Variants in PMFBP1 observed in about 807,000 individuals in gnomAD.
PMFBP1 encodes the protein polyamine-modulated factor 1-binding protein 1.
Under a neutral mutation model 137.8 loss-of-function variants are expected in PMFBP1, and 131 were observed. That is an observed-to-expected ratio of 0.95 (90% CI 0.82 to 1.10). The LOEUF (loss-of-function observed/expected upper bound fraction) is 1.10. Ranked by LOEUF, PMFBP1 falls within the 50% of genes least tolerant of loss-of-function variation. The probability of loss-of-function intolerance (pLI) is 0.00; values close to 1 mark genes in which losing one functional copy is unlikely to be tolerated. For missense variants in PMFBP1, 1,199 were observed against 1,175.4 expected, an observed-to-expected ratio of 1.02 and a Z score of -0.29; for synonymous variants, 490 against 450.4, an observed-to-expected ratio of 1.09 and a Z score of -1.11.
chr16:72,138,047 CAT>C (rs892050129), intron 7 of PMFBP1, among the ~76,000 whole-genome samples: 1 of 152,114 alleles, frequency 6.6e-6, no homozygotes, highest in African/African-American at 2.4e-5. Context: ...GGAAAGGAAA[CAT>C]AATGCGGTGG....
chr16:72,245,876 ACT>A, the PMFBP1 span, among the ~76,000 whole-genome samples: 1 of 151,914 alleles, frequency 6.6e-6, no homozygotes, highest in African/African-American at 2.4e-5. Flanking sequence ...CCAGCATGAC[ACT>A]CTCTATTTCT....
At chr16:72,197,049 C>T in the PMFBP1 span, among the ~76,000 whole-genome samples, 1 of 151,314 alleles carries the variant, frequency 6.6e-6, no homozygotes, top group Non-Finnish European at 1.5e-5. Context: ...CTCTAATGAT[C>T]AAGCAAGTCC....
At chr16:72,140,895 A>T (rs1209230178) in intron 5 of PMFBP1, among the ~76,000 whole-genome samples, 2 of 150,150 alleles carry the variant, frequency 1.3e-5, no homozygotes, top group African/African-American at 4.9e-5. Flanking sequence ...GCATATTTGC[A>T]TAAAAATCAC....
chr16:72,117,246 TTA>T (rs1203773069), downstream of PMFBP1, among the ~76,000 whole-genome samples: 1 of 125,096 alleles, frequency 8.0e-6, no homozygotes. Flanking sequence ...AGGTATTTGT[TTA>T]TTTTTTTTGC....
chr16:72,139,575 C>G (rs1285058152), intron 6 of PMFBP1, among the ~76,000 whole-genome samples, 176 bp from the exon 7 acceptor site: 1 of 152,204 alleles, frequency 6.6e-6, no homozygotes, highest in Non-Finnish European at 1.5e-5. Flanking sequence ...CATCTTACAT[C>G]AAGATTCTCT....
rs2043092976 is a variant in PMFBP1, at chr16:72,163,413, G to C, written c.165+1351C>G. On this transcript the variant is annotated intron_variant, in intron 3 of 20. Transcript: ENST00000237353. ...ATTATCTCAGCTGATGAACAGCCTA[G>C]ACTCTAGATAAGTATTAGTCCAAAA... 2.0e-5 allele frequency among the ~76,000 whole-genome samples: 3 copies of C among 152,344 alleles called. 1 individual carries two copies. In the South Asian group the frequency reaches 6.2e-4, roughly 32 times the overall value.
intron 3 of PMFBP1, among the ~76,000 whole-genome samples, chr16:72,157,822 A>C (rs890976097): frequency 5.9e-5 from 9 of 152,142 alleles, no homozygotes; most frequent in African/African-American, 2.2e-4. Context: ...GCGTGGACCA[A>C]GATGGTAGCA....
chr16:72,149,653 T>C (rs1053721040), intron 5 of PMFBP1, among the ~76,000 whole-genome samples: 31 of 152,112 alleles, frequency 2.0e-4, no homozygotes, highest in African/African-American at 7.5e-4. Context: ...CGAAACCATG[T>C]CTCTACTAAA....
chr16:72,129,546 A>T (rs939390493), intron 12 of PMFBP1, among the ~76,000 whole-genome samples: 4 of 152,238 alleles, frequency 2.6e-5, no homozygotes, highest in Non-Finnish European at 4.4e-5. Flanking sequence ...AATGAAGTTT[A>T]AAAAATCTTA....
chr16:72,207,709 C>CGTGTGTGT, the PMFBP1 span, among the ~76,000 whole-genome samples: 1 of 94,472 alleles, frequency 1.1e-5, no homozygotes, highest in South Asian at 4.2e-4. Context: ...ACCAGTAGGG[C>CGTGTGTGT]ATGTGTGTGT....
intron 3 of PMFBP1, among the ~76,000 whole-genome samples, chr16:72,163,664 C>G (rs1303575972): frequency 1.3e-5 from 2 of 152,134 alleles, no homozygotes; most frequent in South Asian, 2.1e-4. Flanking sequence ...GGTGTGTCCA[C>G]TCATTGATTG....
At chr16:72,201,697 C>A in the PMFBP1 span, among the ~76,000 whole-genome samples, 1 of 152,214 alleles carries the variant, frequency 6.6e-6, no homozygotes, top group Non-Finnish European at 1.5e-5. Context: ...TCCCTCTGGG[C>A]CCATTTCCAT....
chr16:72,177,127 C>T (rs2043261962), upstream of PMFBP1, among the ~76,000 whole-genome samples: 1 of 152,304 alleles, frequency 6.6e-6, no homozygotes, highest in Middle Eastern at 3.4e-3. Flanking sequence ...TCCACCTAAT[C>T]TTTGTTGCCA....
intron 17 of PMFBP1, among the ~76,000 whole-genome samples, chr16:72,124,405 G>A (rs529656343): frequency 2.0e-5 from 3 of 152,344 alleles, no homozygotes; most frequent in African/African-American, 7.2e-5. Flanking sequence ...AGGGAGGTGG[G>A]CCTGGGACAA....
chr16:72,169,631 G>A (rs1051052780), intron 2 of PMFBP1, among the ~76,000 whole-genome samples: 15 of 151,288 alleles, frequency 9.9e-5, no homozygotes, highest in African/African-American at 2.7e-4. Flanking sequence ...TAATAAAAAA[G>A]ATTTAAAAAA....
chr16:72,227,827 G>A, the PMFBP1 span, among the ~76,000 whole-genome samples: 1 of 152,074 alleles, frequency 6.6e-6, no homozygotes. Flanking sequence ...TAAATGATGT[G>A]GCATATATAT....
rs757808536 is a variant in PMFBP1 at position 72,130,287 on chromosome 16, T to C, written c.1708A>G (p.Lys570Glu). 5 of 1,614,088 alleles carry C rather than the reference T, an allele frequency of 3.1e-6. No homozygotes were observed. Among genetic ancestry groups the C allele is most frequent in the Non-Finnish European group, 4.2e-6 (5 of 1,180,046 alleles). Residue 570 changes from lysine (K) to glutamate (E), a missense_variant, in exon 12 of 21, where the codon AAG becomes GAG. By Grantham distance (56) the Lys-to-Glu change is moderately conservative (BLOSUM62 1). Coordinates refer to ENST00000237353, the MANE Select transcript of PMFBP1 (RefSeq NM_031293.3). ...GCCACTGTCTTCTGAAGCTGCCTCT[T>C]TTCCTTGTCTGAATTTTCAAGCTTC... ...LRKLENSDKE[K>E]RQLQKTVAEQ...
In PMFBP1 at chr16:72,136,501, C is replaced by T; in HGVS notation, c.1150G>A (p.Glu384Lys). The T allele has an allele frequency of 6.2e-7, 1 of 1,613,862 alleles. No individual in the cohort carries two copies. The highest frequency in any genetic ancestry group is 8.5e-7 in the Non-Finnish European group (1 of 1,179,940). Residue 384 changes from glutamate (E) to lysine (K), a missense_variant, in exon 9 of 21, where the codon GAG (glutamate) becomes AAG (lysine). Physicochemically the swap from Glu to Lys is moderately conservative, Grantham distance 56 (BLOSUM62 1). Coordinates refer to ENST00000237353, the MANE Select transcript of PMFBP1 (RefSeq NM_031293.3). Reference sequence around the variant, plus strand: ...GTCTCGGTGAACTCCAGCTGCAGCTCCTGCAGCCGGCACTGCAGGATGGTG... The same window carrying T: ...GTCTCGGTGAACTCCAGCTGCAGCTTCTGCAGCCGGCACTGCAGGATGGTG... ...DITILQCRLQELQLEFTETQK... is the reference protein window; with the variant it reads ...DITILQCRLQKLQLEFTETQK...
At chr16:72,246,061 G>A in the PMFBP1 span, among the ~76,000 whole-genome samples, 1 of 152,208 alleles carries the variant, frequency 6.6e-6, no homozygotes, top group Non-Finnish European at 1.5e-5. Context: ...AAGAGTGGTT[G>A]CAGAATGGTG....
Sources: gnomAD v4.1 joint callset for allele counts (sites outside exome capture counted in the v4.1 genomes callset) on GRCh38, gnomAD v4.1.1 for gene constraint, MANE v1.5 for transcripts, NCBI Gene and HGNC (gene_info 2026-07-23, HGNC 2026-07-21) for gene names.